The following EML6 variants were observed in gnomAD, a reference collection of about 807,000 sequenced individuals.
EML6 encodes the protein EMAP like 6, also known as echinoderm microtubule-associated protein-like 6.
A neutral mutation model predicts 240.1 loss-of-function variants in EML6; 154 were observed. That is an observed-to-expected ratio of 0.64 (90% CI 0.56 to 0.73). The LOEUF (loss-of-function observed/expected upper bound fraction) is 0.73, where lower values mean the gene tolerates loss of function less well. Among genes scored for constraint, EML6 ranks in the 30% least tolerant of loss-of-function variants. The pLI is 0.00. For synonymous variants in EML6, 1,148 were observed against 899.0 expected (o/e 1.28, Z -4.95); for missense variants, 2,964 against 2,474.6 (o/e 1.20, Z -4.20).
rs553254257 is a variant in EML6, at chr2:54,902,032, G to A, written c.3125-1012G>A. Among the ~76,000 whole-genome samples, 92 of 152,208 alleles carry A rather than the reference G, an allele frequency of 6.0e-4. 1 individual carries two copies. Among genetic ancestry groups the A allele is most frequent in the Admixed American group, 4.2e-3 (64 of 15,294 alleles). ...GGAGAATGTTCAGATTCCATTCTTCGCGTGACAGAAGAGGCAAGAACAACA... is the reference window on the plus strand; with the variant it reads ...GGAGAATGTTCAGATTCCATTCTTCACGTGACAGAAGAGGCAAGAACAACA... On this transcript the variant is annotated intron_variant, in intron 22 of 41. Transcript: ENST00000356458.
At chr2:54,727,792 C>G (rs1054109316) in intron 2 of EML6, among the ~76,000 whole-genome samples, 7 of 152,198 alleles carry the variant, frequency 4.6e-5, no homozygotes, top group African/African-American at 1.7e-4. Context: ...ATGCATACAT[C>G]TATACTGCTT....
At chr2:54,741,880 A>T (rs750852423) in intron 2 of EML6, among the ~76,000 whole-genome samples, 2 of 152,368 alleles carry the variant, frequency 1.3e-5, no homozygotes, top group Non-Finnish European at 2.9e-5. Context: ...TATAGCTGGA[A>T]TGATGGAGTT....
chr2:54,871,512 G>A lies in EML6; in HGVS notation c.2251G>A (p.Ala751Thr). ...YVATGQVGRDAAIHVWDTQTL... is the reference protein window; with the variant it reads ...YVATGQVGRDTAIHVWDTQTL... ...TCTGTTATTTAAGGTTGGAAGAGAT[G>A]CTGCTATTCATGTGTGGGACACACA... The change falls in exon 16 of 42, where the codon GCT (alanine) becomes ACT (threonine). Residue 751 changes from alanine to threonine, a missense_variant. By Grantham distance (58) the Ala-to-Thr change is moderately conservative (BLOSUM62 0). Transcript: ENST00000356458. 3 of 1,551,274 alleles carry A rather than the reference G, an allele frequency of 1.9e-6. No individual in the cohort carries two copies. The highest frequency in any genetic ancestry group is 1.7e-6 in the Non-Finnish European group (2 of 1,146,468).
chr2:54,900,874 C>G (rs926582859), intron 22 of EML6, among the ~76,000 whole-genome samples: 2 of 152,124 alleles, frequency 1.3e-5, no homozygotes, highest in African/African-American at 4.8e-5. Context: ...ACATCTACTG[C>G]TTGGAAATGC....
intron 17 of EML6, among the ~76,000 whole-genome samples, chr2:54,885,953 T>C (rs1672108633): frequency 6.6e-6 from 1 of 152,106 alleles, no homozygotes; most frequent in Admixed American, 6.6e-5. Flanking sequence ...AAATTCCATC[T>C]CTTCCTTGCC....
chr2:54,945,287 TC>T (rs1193327296), intron 28 of EML6, among the ~76,000 whole-genome samples: 1 of 45,204 alleles, frequency 2.2e-5, no homozygotes, highest in Non-Finnish European at 4.4e-5. Flanking sequence ...TCTCTCTGCC[TC>T]CCCCTTCTCT....
chr2:54,957,057 CACTT>C (rs1247937750), intron 32 of EML6, among the ~76,000 whole-genome samples: 3 of 152,128 alleles, frequency 2.0e-5, no homozygotes, highest in Non-Finnish European at 4.4e-5. Context: ...CTCAGGGCTT[CACTT>C]ACTTCAATTC....
Position 54,960,281 on chromosome 2 carries a change from C to A in EML6, c.4915C>A (p.Gln1639Lys), listed in dbSNP as rs777090790. 4.5e-6 allele frequency: 7 copies of A among 1,551,526 alleles called. No individual in the cohort carries two copies. The South Asian group carries it at 5.9e-5, about 13-fold the overall frequency. ...DQEMKRCRAF[Q>K]LETGQLVECV... ...GGAGATGAAGCGCTGCCGGGCCTTTCAGCTGGAGACCGGGCAGCTGGTGGA... is the reference window on the plus strand; with the variant it reads ...GGAGATGAAGCGCTGCCGGGCCTTTAAGCTGGAGACCGGGCAGCTGGTGGA... Residue 1639 changes from glutamine (Q) to lysine (K), a missense_variant, in exon 35 of 42, where the codon CAG becomes AAG. By Grantham distance (53) the Gln-to-Lys change is moderately conservative. Coordinates refer to ENST00000356458, the MANE Select transcript of EML6 (RefSeq NM_001039753.4).
rs567087374 is a variant in EML6 at position 54,937,208 on chromosome 2, G to T, written c.4004+8457G>T. 1.1e-3 allele frequency among the ~76,000 whole-genome samples: 168 copies of T among 151,784 alleles called. 1 individual carries two copies. The highest frequency in any genetic ancestry group is 3.6e-3 in the African/African-American group (148 of 41,366). The stretch of plus-strand genomic sequence containing the variant: ...CAGGAGAATTGCTTAAACCCGGGAG[G>T]TGGAGGTTGTGGTGAGCCGAGATCA... On this transcript the variant is annotated intron_variant, in intron 28 of 41. Transcript: ENST00000356458.
chr2:54,895,946 T>G (rs1027210362), intron 21 of EML6, among the ~76,000 whole-genome samples: 2 of 152,258 alleles, frequency 1.3e-5, no homozygotes, highest in African/African-American at 4.8e-5. Context: ...TCATCACATA[T>G]GTGGAATCAT....
intron 4 of EML6, among the ~76,000 whole-genome samples, chr2:54,818,493 G>C (rs924718930): frequency 7.9e-5 from 12 of 152,340 alleles, no homozygotes; most frequent in Middle Eastern, 3.4e-3. Context: ...AGCTGTTCCT[G>C]TACCTCAGTT....
chr2:54,888,252 C>T (rs1411405882), intron 17 of EML6, among the ~76,000 whole-genome samples: 1 of 152,156 alleles, frequency 6.6e-6, no homozygotes, highest in Non-Finnish European at 1.5e-5. Flanking sequence ...AGGACTGGAT[C>T]ATGCCATGAG....
intron 24 of EML6, among the ~76,000 whole-genome samples, chr2:54,904,359 C>A (rs1309832978): frequency 6.6e-6 from 1 of 152,162 alleles, no homozygotes; most frequent in Non-Finnish European, 1.5e-5. Context: ...GGAGCGGGTA[C>A]TTGGGAATGG....
At chr2:54,889,846 A>G (rs765012088) in intron 17 of EML6, among the ~76,000 whole-genome samples, 1 of 152,260 alleles carries the variant, frequency 6.6e-6, no homozygotes, top group Non-Finnish European at 1.5e-5. Context: ...TGGGAATGCC[A>G]TTAAGTAACA....
rs1250478339 is a variant in EML6, at chr2:54,928,345, G to T, written c.3708G>T (p.Gly1236=). ...GQHARFKKYV[G]HSAHVTNVRW... is the part of the protein sequence containing the mutation. ...ACGCAAGATTCAAGAAGTATGTGGG[G>T]CACAGTGCACATGTCACTAACGTGA... Residue 1236 remains glycine, a synonymous_variant, in exon 27 of 42, where the codon GGG becomes GGT. Transcript: ENST00000356458. 1.3e-6 allele frequency: 2 copies of T among 1,552,118 alleles called. No individual in the cohort carries two copies. The highest frequency in any genetic ancestry group is 2.4e-5 in the South Asian group (2 of 84,044).
At chr2:54,921,506 AAAT>A (rs1203246314) in intron 26 of EML6, among the ~76,000 whole-genome samples, 1 of 152,150 alleles carries the variant, frequency 6.6e-6, no homozygotes, top group African/African-American at 2.4e-5. Context: ...ACTACCCAAA[AAAT>A]AATCTGCAGA....
intron 24 of EML6, among the ~76,000 whole-genome samples, chr2:54,907,492 G>A (rs1033554986): frequency 6.6e-6 from 1 of 152,206 alleles, no homozygotes; most frequent in Non-Finnish European, 1.5e-5. Context: ...GGGTAACAGA[G>A]CGAGACTATG....
chr2:54,893,898 A>C (rs1478160861), intron 19 of EML6, among the ~76,000 whole-genome samples: 1 of 152,204 alleles, frequency 6.6e-6, no homozygotes. Context: ...TGCAAGTATT[A>C]GAAAAGATTA....
In EML6 at chr2:54,928,499, G is replaced by A. The variant is rs756700188; in HGVS notation, c.3862G>A (p.Val1288Met). Residue 1288 changes from valine to methionine, a missense_variant, in exon 27 of 42, where the codon GTG (valine) becomes ATG (methionine). Physicochemically the swap from Val to Met is conservative, Grantham distance 21. Coordinates refer to ENST00000356458, the MANE Select transcript of EML6 (RefSeq NM_001039753.4). ...LVDSEESDTDVEEDGGYDSDV... is the reference protein window; with the variant it reads ...LVDSEESDTDMEEDGGYDSDV... ...GGACAGCGAGGAGTCAGACACCGAC[G>A]TGGAAGAGGATGGAGGTGAGCCCCC... 2.1e-5 allele frequency: 33 copies of A among 1,545,586 alleles called. No individual in the cohort carries two copies. In the East Asian group the frequency reaches 2.2e-4, roughly 10 times the overall value.
Sources: allele counts gnomAD v4.1 joint callset (sites outside exome capture counted in the v4.1 genomes callset), GRCh38; gene constraint gnomAD v4.1.1; transcripts MANE v1.5; gene names NCBI Gene and HGNC (gene_info 2026-07-23, HGNC 2026-07-21).